IGF2R: variants seen among roughly 807,000 people sequenced by gnomAD.
IGF2R encodes cation-independent mannose-6-phosphate receptor.
IGF2R carries 91 observed loss-of-function variants against 270.6 expected under a neutral mutation model. The ratio of observed to expected loss-of-function variants is 0.34; its 90% CI spans 0.28 to 0.40. The LOEUF (loss-of-function observed/expected upper bound fraction) is 0.40, where lower values mean the gene tolerates loss of function less well. IGF2R is among the 10% of genes least tolerant of loss of function. The probability of loss-of-function intolerance (pLI) is 1.00; values close to 1 mark genes in which losing one functional copy is unlikely to be tolerated. For missense variants in IGF2R, 2,805 were observed against 3,188.3 expected, an observed-to-expected ratio of 0.88 and a Z score of 2.90; for synonymous variants, 1,316 against 1,258.9, an observed-to-expected ratio of 1.05 and a Z score of -0.96.
chr6:160,087,978 A>T, intron 41 of IGF2R, 55 bp from the exon 42 acceptor site: 1 of 1,187,902 alleles, frequency 8.4e-7, no homozygotes, highest in Non-Finnish European at 1.3e-6. Flanking sequence ...CGCCTGCCTG[A>T]GGCTTTTTAT....
chr6:159,984,044 T>G (rs986997382), intron 1 of IGF2R, among the ~76,000 whole-genome samples: 5 of 152,174 alleles, frequency 3.3e-5, no homozygotes, highest in Non-Finnish European at 7.3e-5. Flanking sequence ...AAGCATATGA[T>G]CTGTTGATCA....
At position 160,020,635 on chromosome 6, in the gene IGF2R, A is replaced by G. The variant is rs143671717; in HGVS notation, c.514-3937A>G. Among the ~76,000 whole-genome samples the G allele has an allele frequency of 3.8e-3, 576 of 152,344 alleles. 6 individuals are homozygous for G. Among genetic ancestry groups the G allele is most frequent in the African/African-American group, 0.013 (549 of 41,578 alleles). On this transcript the variant is annotated intron_variant, in intron 4 of 47. Coordinates refer to ENST00000356956, the MANE Select transcript of IGF2R (RefSeq NM_000876.4). ...GAACAGAATAGAAAACCCAGAGTCA[A>G]AGCTGCATACTTACAACCAACTGAT... is the stretch of plus-strand genomic sequence containing the variant.
At chr6:159,971,643 CTGTT>C (rs1010634424) in intron 1 of IGF2R, among the ~76,000 whole-genome samples, 1 of 152,140 alleles carries the variant, frequency 6.6e-6, no homozygotes, top group African/African-American at 2.4e-5. Context: ...AACTTCCTGT[CTGTT>C]CCTGTTTTAT....
chr6:159,969,882 G>GT (rs1329021261), intron 1 of IGF2R, among the ~76,000 whole-genome samples: 2 of 152,158 alleles, frequency 1.3e-5, no homozygotes, highest in East Asian at 3.9e-4. Flanking sequence ...GGAGTTGAGT[G>GT]TTTGTGGTTT....
At chr6:159,991,163 G>A (rs770122179) in intron 1 of IGF2R, 21 bp from the exon 2 acceptor site, 1 of 1,591,174 alleles carries the variant, frequency 6.3e-7, no homozygotes, top group Admixed American at 1.7e-5. Context: ...ACATTGACAA[G>A]TTGTTTTTCT....
At chr6:160,069,723 T>A in intron 30 of IGF2R, 145 bp from the exon 31 acceptor site, 1 of 695,114 alleles carries the variant, frequency 1.4e-6, no homozygotes, top group South Asian at 1.9e-5. Flanking sequence ...ATCTGACTTA[T>A]GTGAAAGAAA....
chr6:160,015,998 C>T (rs982910304), intron 4 of IGF2R, among the ~76,000 whole-genome samples: 8 of 152,218 alleles, frequency 5.3e-5, no homozygotes, highest in African/African-American at 1.9e-4. Flanking sequence ...GCTATGCTTC[C>T]TGTACAACCT....
intron 16 of IGF2R, 79 bp downstream of exon 16, chr6:160,047,415 A>G (rs1310257603): frequency 7.1e-6 from 9 of 1,266,412 alleles, no homozygotes; most frequent in African/African-American, 3.0e-5. Flanking sequence ...CAGAGCTTGT[A>G]TCAGTCTGGG....
intron 39 of IGF2R, among the ~76,000 whole-genome samples, chr6:160,081,385 G>A (rs1247453486): frequency 6.6e-6 from 1 of 152,164 alleles, no homozygotes; most frequent in African/African-American, 2.4e-5. Flanking sequence ...GGGAGTGTAC[G>A]AATAGGGTGT....
intron 34 of IGF2R, 39 bp from the exon 35 acceptor site, chr6:160,073,717 AT>A: frequency 1.3e-6 from 2 of 1,561,548 alleles, no homozygotes; most frequent in Non-Finnish European, 1.8e-6. Flanking sequence ...GATTAGGAAA[AT>A]TTTTTTGTAG....
intron 44 of IGF2R, chr6:160,093,461 T>G (rs1377938552): frequency 6.5e-6 from 3 of 463,828 alleles, no homozygotes; most frequent in Non-Finnish European, 1.2e-5. Flanking sequence ...ATGAAGAGTT[T>G]GAGGAGATCA....
chr6:160,022,142 TAGTC>T (rs1310426928), intron 4 of IGF2R, among the ~76,000 whole-genome samples: 10 of 152,264 alleles, frequency 6.6e-5, no homozygotes, highest in African/African-American at 1.7e-4. Context: ...TGAAATAACT[TAGTC>T]AGACACCACA....
At chr6:159,977,668 A>G (rs1783715236) in intron 1 of IGF2R, among the ~76,000 whole-genome samples, 1 of 152,194 alleles carries the variant, frequency 6.6e-6, no homozygotes, top group African/African-American at 2.4e-5. Flanking sequence ...TCCTATTTGA[A>G]AACCTCTCAT....
intron 1 of IGF2R, among the ~76,000 whole-genome samples, chr6:159,977,621 C>T (rs181582973): frequency 6.6e-6 from 1 of 152,356 alleles, no homozygotes; most frequent in Admixed American, 6.5e-5. Flanking sequence ...TCATTTTCCT[C>T]CTCAAGAGGG....
intron 3 of IGF2R, chr6:160,010,392 G>A (rs1296167225): frequency 8.2e-6 from 2 of 245,366 alleles, no homozygotes; most frequent in Non-Finnish European, 1.6e-5. Flanking sequence ...TTTGAGAGGA[G>A]AATGACTGAG....
At chr6:160,091,890 C>G (rs978120659) in intron 44 of IGF2R, among the ~76,000 whole-genome samples, 1 of 152,212 alleles carries the variant, frequency 6.6e-6, no homozygotes, top group Non-Finnish European at 1.5e-5. Flanking sequence ...ACCAGGGTAG[C>G]CTTGCAAGCT....
At chr6:159,993,691 T>C (rs1380928586) in intron 2 of IGF2R, among the ~76,000 whole-genome samples, 1 of 152,228 alleles carries the variant, frequency 6.6e-6, no homozygotes, top group Non-Finnish European at 1.5e-5. Flanking sequence ...AGGATTGCTT[T>C]TGCTATTCAG....
intron 4 of IGF2R, among the ~76,000 whole-genome samples, chr6:160,017,987 G>T (rs1407720106): frequency 6.6e-6 from 1 of 152,060 alleles, no homozygotes; most frequent in African/African-American, 2.4e-5. Context: ...ATTATGACAG[G>T]AATAAAACCT....
chr6:160,071,717 C>A (rs1168124797), intron 31 of IGF2R, among the ~76,000 whole-genome samples, 193 bp from the exon 32 acceptor site: 2 of 152,182 alleles, frequency 1.3e-5, no homozygotes, highest in Non-Finnish European at 2.9e-5. Context: ...GCAGGGGAAG[C>A]CCATGGTGGC....
Sources: allele counts gnomAD v4.1 joint callset (sites outside exome capture counted in the v4.1 genomes callset), GRCh38; gene constraint gnomAD v4.1.1; transcripts MANE v1.5; gene names NCBI Gene and HGNC (gene_info 2026-07-23, HGNC 2026-07-21).